Variants in BCAS3 observed in about 807,000 individuals in gnomAD.
BCAS3 encodes BCAS4/BCAS3 fusion.
Under a neutral mutation model 116.1 loss-of-function variants are expected in BCAS3, and 53 were observed. That is an observed-to-expected ratio of 0.46 (90% CI 0.37 to 0.57). BCAS3 has a LOEUF of 0.57. Ranked by LOEUF, BCAS3 falls within the 20% of genes least tolerant of loss-of-function variation. BCAS3 has a pLI of 0.00. For synonymous variants in BCAS3, 391 were observed against 408.2 expected, an observed-to-expected ratio of 0.96 and a Z score of 0.51; for missense variants, 917 against 1,165.4, an observed-to-expected ratio of 0.79 and a Z score of 3.10.
At position 60,868,576 on chromosome 17, in the gene BCAS3, C is replaced by T. The variant is rs746042915; in HGVS notation, c.477C>T (p.Gly159=). The T allele has an allele frequency of 1.0e-5, 16 of 1,525,650 alleles. No homozygotes were observed. In the Admixed American group the frequency reaches 3.7e-4, roughly 35 times the overall value. 94.5% of individuals were successfully genotyped at this position (1,525,650 alleles called of 1,614,324 possible). A position where few individuals can be genotyped will look rare whatever the true frequency, so the allele number is the denominator to read the frequency against. Residue 159 remains glycine (G), a splice_region_variant and synonymous_variant, in exon 8 of 24, where the codon GGC becomes GGT. Transcript: ENST00000407086. ...TTTTTCTTTCTTTTTTCTTTTTTAG[C>T]ACAAGCCCACCGTACTGTTGTGTGG... The part of the protein sequence containing the change: ...LGVCKSIGSS[G]TSPPYCCVDL...
intron 22 of BCAS3, among the ~76,000 whole-genome samples, chr17:61,246,827 G>GTGTGTGTGTGTGTGTA (rs1217444834): frequency 1.3e-5 from 2 of 149,912 alleles, no homozygotes; most frequent in African/African-American, 5.0e-5. Flanking sequence ...GTGTGTGTGT[G>GTGTGTGTGTGTGTGTA]TGTATGTGTG....
intron 22 of BCAS3, among the ~76,000 whole-genome samples, chr17:61,163,035 A>G (rs935430744): frequency 6.6e-6 from 1 of 152,218 alleles, no homozygotes; most frequent in South Asian, 2.1e-4. Context: ...ATTATATGTC[A>G]TAATAGTGAG....
At chr17:61,206,801 CAAAAAAA>C (rs71148392) in intron 22 of BCAS3, among the ~76,000 whole-genome samples, 9 of 74,924 alleles carry the variant, frequency 1.2e-4, no homozygotes, top group African/African-American at 2.5e-4. Flanking sequence ...AACTCTGTCT[CAAAAAAA>C]AAAAAAAAAA....
At chr17:60,963,926 A>G (rs550417746) in intron 14 of BCAS3, among the ~76,000 whole-genome samples, 3 of 152,244 alleles carry the variant, frequency 2.0e-5, no homozygotes, top group African/African-American at 7.2e-5. Flanking sequence ...AGCTGTAACA[A>G]TTTTTTGGTG....
intron 5 of BCAS3, among the ~76,000 whole-genome samples, chr17:60,727,647 G>A (rs76861449): frequency 0.038 from 5,722 of 152,012 alleles, 362 homozygotes; most frequent in African/African-American, 0.13. Flanking sequence ...CGGAGGTCCC[G>A]TATACCTCCT....
intron 14 of BCAS3, among the ~76,000 whole-genome samples, chr17:60,987,342 T>C (rs1204847348): frequency 1.3e-5 from 2 of 151,752 alleles, no homozygotes; most frequent in Non-Finnish European, 2.9e-5. Flanking sequence ...TGGCTCTATA[T>C]ACATTTTAGG....
chr17:61,232,113 G>A (rs112182158), intron 22 of BCAS3, among the ~76,000 whole-genome samples: 3,532 of 145,386 alleles, frequency 0.024, 150 homozygotes, highest in African/African-American at 0.084. Context: ...ACTGAGGCAG[G>A]AGAATGGCGT....
intron 14 of BCAS3, among the ~76,000 whole-genome samples, chr17:60,966,542 G>T (rs768530211): frequency 5.9e-5 from 9 of 151,682 alleles, no homozygotes; most frequent in Non-Finnish European, 1.0e-4. Context: ...TCTTATAATA[G>T]ATATAACAAG....
At chr17:61,167,683 A>G (rs941812097) in intron 22 of BCAS3, among the ~76,000 whole-genome samples, 5 of 152,208 alleles carry the variant, frequency 3.3e-5, no homozygotes, top group Admixed American at 3.3e-4. Flanking sequence ...GAAATGACAC[A>G]GAAGAGCTTT....
At chr17:61,080,774 A>G (rs946141705) in intron 21 of BCAS3, among the ~76,000 whole-genome samples, 4 of 151,980 alleles carry the variant, frequency 2.6e-5, no homozygotes, top group African/African-American at 9.7e-5. Context: ...CAACAAACAA[A>G]CCAACACACA....
At position 60,808,208 on chromosome 17, in the gene BCAS3, A is replaced by T. The variant is rs1328543981; in HGVS notation, c.476+132A>T. 6.2e-6 allele frequency: 4 copies of T among 649,380 alleles called. No homozygotes were observed. The Admixed American group carries it at 8.5e-5, about 14-fold the overall frequency. 40.2% of individuals were successfully genotyped at this position (649,380 alleles called of 1,614,324 possible). ...CATAAGAGAGAAGAAGAAGAAAGTA[A>T]AACATATTTAGGGTTTCCAACAGTA... On this transcript the variant is annotated intron_variant, in intron 7 of 23. Coordinates refer to ENST00000407086, the MANE Select transcript of BCAS3 (RefSeq NM_017679.5).
At position 61,255,981 on chromosome 17, in the gene BCAS3, C is replaced by T. The variant is rs527881890; in HGVS notation, c.2426-112346C>T. Among the ~76,000 whole-genome samples the T allele has an allele frequency of 1.4e-3, 220 of 152,288 alleles. 1 individual carries two copies. Among genetic ancestry groups the T allele is most frequent in the Non-Finnish European group, 2.1e-3 (146 of 68,036 alleles). ...CTCTTTTCCCCTGAAAATTGAGTCT[C>T]GTCAAACTGACAAGTTATTTTCTGA... On this transcript the variant is annotated intron_variant, in intron 22 of 23. Coordinates refer to ENST00000407086, the MANE Select transcript of BCAS3 (RefSeq NM_017679.5).
chr17:61,230,057 C>T (rs1419716552), intron 22 of BCAS3, among the ~76,000 whole-genome samples: 2 of 151,712 alleles, frequency 1.3e-5, no homozygotes, highest in African/African-American at 4.8e-5. Flanking sequence ...CCCAGGAGGC[C>T]GAGGTTGCAG....
intron 9 of BCAS3, among the ~76,000 whole-genome samples, chr17:60,879,664 G>A (rs754444873): frequency 6.6e-6 from 1 of 152,194 alleles, no homozygotes; most frequent in Admixed American, 6.5e-5. Context: ...TCAAAGGAGT[G>A]TACAGTAAGC....
chr17:60,879,736 G>A (rs759459688), intron 9 of BCAS3, among the ~76,000 whole-genome samples: 9 of 152,250 alleles, frequency 5.9e-5, no homozygotes, highest in Non-Finnish European at 7.4e-5. Context: ...TATAATCTTA[G>A]TGTTATTTCT....
intron 14 of BCAS3, among the ~76,000 whole-genome samples, chr17:60,977,636 A>T (rs1009738388): frequency 6.6e-6 from 1 of 150,662 alleles, no homozygotes; most frequent in East Asian, 2.0e-4. Flanking sequence ...ATATCTCCCA[A>T]TGCTATCCCA....
rs369733152 is a variant in BCAS3, at chr17:61,278,029, GTTTGTTTTGT to G, written c.2426-90280_2426-90271del. Among the ~76,000 whole-genome samples, 12 of 151,926 alleles carry G rather than the reference GTTTGTTTTGT, an allele frequency of 7.9e-5. No homozygotes were observed. The highest frequency in any genetic ancestry group is 4.2e-4 in the South Asian group (2 of 4,818). On this transcript the variant is annotated intron_variant, in intron 22 of 23. Transcript: ENST00000407086. The surrounding 1 kb of genome is among the most constrained non-coding windows in gnomAD (Gnocchi z 5.8). ...TGAAAACATACCCACACAAAAAATG[GTTTGTTTTGT>G]TTTGTTTTGTTTTGTTTGACGGAGT...
rs578051150 is a variant in BCAS3 at position 60,848,851 on chromosome 17, A to G, written c.477-19725A>G. Among the ~76,000 whole-genome samples the G allele has an allele frequency of 3.3e-4, 50 of 152,222 alleles. 1 individual carries two copies. In the East Asian group the frequency reaches 9.3e-3, roughly 28 times the overall value. ...AGTAGCTGGGACTACAAAAAAAAAA[A>G]AAAAGTACTCTTGTATTAGCAGATT... On this transcript the variant is annotated intron_variant, in intron 7 of 23. Transcript: ENST00000407086.
At chr17:60,772,444 T>G (rs1446643408) in intron 6 of BCAS3, among the ~76,000 whole-genome samples, 1 of 152,158 alleles carries the variant, frequency 6.6e-6, no homozygotes, top group Non-Finnish European at 1.5e-5. Flanking sequence ...TCTTTGTAGA[T>G]TCTGGATATT....
Sources: allele counts gnomAD v4.1 joint callset (sites outside exome capture counted in the v4.1 genomes callset), GRCh38; gene constraint gnomAD v4.1.1; non-coding constraint Gnocchi (gnomAD v3.1); transcripts MANE v1.5; gene names NCBI Gene and HGNC (gene_info 2026-07-23, HGNC 2026-07-21).